RSRC1: variants seen among roughly 807,000 people sequenced by gnomAD.
RSRC1 encodes arginine and serine rich coiled-coil 1, also known as serine/Arginine-related protein 53.
RSRC1 carries 39 observed loss-of-function variants against 49.1 expected under a neutral mutation model. That is an observed-to-expected ratio of 0.79 (90% CI 0.61 to 1.04). RSRC1 has a LOEUF of 1.04. RSRC1 is among the 50% of genes least tolerant of loss of function. The pLI is 0.00. For synonymous variants in RSRC1, 143 were observed against 130.8 expected (o/e 1.09, Z -0.63); for missense variants, 388 against 402.4 (o/e 0.96, Z 0.31).
chr3:158,473,408 C>T (rs1738225710), intron 7 of RSRC1, among the ~76,000 whole-genome samples: 1 of 151,962 alleles, frequency 6.6e-6, no homozygotes, highest in African/African-American at 2.4e-5. Flanking sequence ...CAAACTATCG[C>T]AAGGACAAAA....
At chr3:158,464,593 C>A (rs974384911) in intron 7 of RSRC1, among the ~76,000 whole-genome samples, 6 of 110,558 alleles carry the variant, frequency 5.4e-5, no homozygotes, top group Non-Finnish European at 1.1e-4. Context: ...AGTTTAAATT[C>A]ATCAAATCTT....
intron 6 of RSRC1, among the ~76,000 whole-genome samples, chr3:158,362,851 G>C (rs567891499): frequency 2.0e-5 from 3 of 152,226 alleles, no homozygotes; most frequent in Admixed American, 6.5e-5. Context: ...TTTTCCAAAA[G>C]ATATTTTTTA....
intron 3 of RSRC1, among the ~76,000 whole-genome samples, chr3:158,131,041 C>T (rs1475237129): frequency 2.0e-5 from 3 of 151,978 alleles, no homozygotes; most frequent in African/African-American, 7.2e-5. Context: ...AAGTGATGAA[C>T]GTGGGCAAAC....
intron 7 of RSRC1, among the ~76,000 whole-genome samples, chr3:158,474,750 C>T (rs1257199116): frequency 1.3e-5 from 2 of 152,188 alleles, no homozygotes; most frequent in Non-Finnish European, 2.9e-5. Flanking sequence ...TAGCCCTTCT[C>T]CTTTGCCTAG....
intron 5 of RSRC1, among the ~76,000 whole-genome samples, chr3:158,349,652 T>TA (rs1048212931): frequency 1.9e-4 from 28 of 150,984 alleles, no homozygotes; most frequent in African/African-American, 6.3e-4. Flanking sequence ...ATATGGCCTT[T>TA]AAAGACTTAC....
chr3:158,288,064 G>C (rs1264808584), intron 4 of RSRC1, among the ~76,000 whole-genome samples: 2 of 152,094 alleles, frequency 1.3e-5, no homozygotes, highest in Non-Finnish European at 2.9e-5. Context: ...ATGCACAACT[G>C]TATGTGATGG....
chr3:158,537,437 C>T (rs2108505660), intron 8 of RSRC1, among the ~76,000 whole-genome samples: 1 of 151,500 alleles, frequency 6.6e-6, no homozygotes, highest in South Asian at 2.1e-4. Flanking sequence ...TTAAATTCAC[C>T]AAGAATACTA....
At chr3:158,461,110 C>A (rs893173244) in intron 7 of RSRC1, 107 bp downstream of exon 7, 10 of 661,712 alleles carry the variant, frequency 1.5e-5, no homozygotes, top group Non-Finnish European at 2.2e-5. Flanking sequence ...CATGCTGTTT[C>A]ATGAACCAAA....
In RSRC1 at chr3:158,541,113, C is replaced by G. The variant is rs59379694; in HGVS notation, c.760-2222C>G. On this transcript the variant is annotated intron_variant, in intron 8 of 9. Transcript: ENST00000611884. Reference sequence around the variant, plus strand: ...TGTCTTTTTGCTCACTATACACCAGCCCCTCTGGCCTTTTTTCTGATCTTC... The same window carrying G: ...TGTCTTTTTGCTCACTATACACCAGGCCCTCTGGCCTTTTTTCTGATCTTC... Among the ~76,000 whole-genome samples the G allele has an allele frequency of 2.8e-3, 420 of 152,266 alleles. 5 individuals carry two copies. The highest frequency in any genetic ancestry group is 9.7e-3 in the African/African-American group (401 of 41,544).
intron 6 of RSRC1, among the ~76,000 whole-genome samples, chr3:158,389,451 T>G (rs970839599): frequency 6.6e-6 from 1 of 152,206 alleles, no homozygotes; most frequent in Non-Finnish European, 1.5e-5. Flanking sequence ...ATATTTAACA[T>G]TTTGAAATAT....
chr3:158,245,326 A>G (rs1167992909), intron 4 of RSRC1, among the ~76,000 whole-genome samples: 1 of 152,010 alleles, frequency 6.6e-6, no homozygotes, highest in Non-Finnish European at 1.5e-5. Flanking sequence ...ATGTACTTGT[A>G]TGGCTTTTAG....
chr3:158,317,119 A>G (rs566933294), intron 5 of RSRC1, among the ~76,000 whole-genome samples: 2 of 152,222 alleles, frequency 1.3e-5, no homozygotes, highest in Non-Finnish European at 2.9e-5. Context: ...TGAGGAGAGC[A>G]CATGACACCA....
intron 4 of RSRC1, among the ~76,000 whole-genome samples, chr3:158,235,442 T>A (rs1385843367): frequency 6.6e-6 from 1 of 152,166 alleles, no homozygotes; most frequent in Admixed American, 6.6e-5. Context: ...GTTATATGTG[T>A]TACTAGGAAA....
At chr3:158,131,656 A>G (rs372786530) in intron 3 of RSRC1, among the ~76,000 whole-genome samples, 1 of 152,036 alleles carries the variant, frequency 6.6e-6, no homozygotes, top group African/African-American at 2.4e-5. Flanking sequence ...ATAGTGGTAT[A>G]CTTTGCTTTT....
At chr3:158,138,151 C>G (rs541610184) in intron 3 of RSRC1, among the ~76,000 whole-genome samples, 69 of 152,214 alleles carry the variant, frequency 4.5e-4, no homozygotes, top group African/African-American at 1.6e-3. Flanking sequence ...TGAATGTACC[C>G]TTTGTTGCTT....
intron 3 of RSRC1, among the ~76,000 whole-genome samples, chr3:158,131,894 T>C (rs1344277550): frequency 6.6e-6 from 1 of 152,216 alleles, no homozygotes; most frequent in African/African-American, 2.4e-5. Context: ...AGAAAATGCA[T>C]TTATCTAGTA....
chr3:158,268,847 G>T (rs961524565), intron 4 of RSRC1, among the ~76,000 whole-genome samples: 6 of 152,026 alleles, frequency 3.9e-5, no homozygotes, highest in Non-Finnish European at 7.4e-5. Flanking sequence ...CTCTATTGCA[G>T]ATCATTTATA....
At chr3:158,379,287 G>A (rs1373370459) in intron 6 of RSRC1, among the ~76,000 whole-genome samples, 1 of 134,374 alleles carries the variant, frequency 7.4e-6, no homozygotes, top group South Asian at 2.6e-4. Context: ...TGCAAGCTCC[G>A]CCTCCCGGGT....
chr3:158,439,219 G>C (rs1181750010), intron 6 of RSRC1, among the ~76,000 whole-genome samples: 3 of 152,090 alleles, frequency 2.0e-5, no homozygotes, highest in Non-Finnish European at 2.9e-5. Flanking sequence ...GTTGGTGGGA[G>C]TGTAAATTAG....
Sources: allele counts gnomAD v4.1 joint callset (sites outside exome capture counted in the v4.1 genomes callset), GRCh38; gene constraint gnomAD v4.1.1; transcripts MANE v1.5; gene names NCBI Gene and HGNC (gene_info 2026-07-23, HGNC 2026-07-21).